Variants in ANKRD44 observed in about 807,000 individuals in gnomAD.
ANKRD44 encodes the protein serine/threonine-protein phosphatase 6 regulatory ankyrin repeat subunit B.
Under a neutral mutation model 116.0 loss-of-function variants are expected in ANKRD44, and 35 were observed. The ratio of observed to expected loss-of-function variants is 0.30; its 90% CI spans 0.23 to 0.40. ANKRD44 has a LOEUF of 0.40. Ranked by LOEUF, ANKRD44 falls within the 10% of genes least tolerant of loss-of-function variation. ANKRD44 has a pLI of 1.00. For missense variants in ANKRD44, 1,014 were observed against 1,242.6 expected, an observed-to-expected ratio of 0.82 and a Z score of 2.77; for synonymous variants, 435 against 461.8, an observed-to-expected ratio of 0.94 and a Z score of 0.74.
intron 1 of ANKRD44, among the ~76,000 whole-genome samples, chr2:197,214,705 T>C (rs1326764730): frequency 3.9e-5 from 6 of 152,194 alleles, no homozygotes; most frequent in Non-Finnish European, 8.8e-5. Context: ...TGAAATTGCA[T>C]TTTAAATGGA....
chr2:196,992,984 A>G (rs887405619), intron 27 of ANKRD44, among the ~76,000 whole-genome samples: 1 of 152,206 alleles, frequency 6.6e-6, no homozygotes, highest in Non-Finnish European at 1.5e-5. Context: ...CATTCCTTTC[A>G]AAATTTCTTA....
chr2:196,967,317 C>G (rs538324318), exon 22 of ANKRD44: 3 of 381,166 alleles, frequency 7.9e-6, no homozygotes, highest in Admixed American at 3.0e-5. Context: ...CTTCCCCAAC[C>G]GCAGCTCCTG....
At chr2:197,038,157 G>A (rs774602571) in intron 16 of ANKRD44, among the ~76,000 whole-genome samples, 4 of 151,978 alleles carry the variant, frequency 2.6e-5, no homozygotes, top group Non-Finnish European at 4.4e-5. Flanking sequence ...TGGGACTTTG[G>A]GTGATTTTGA....
At chr2:197,121,077 C>T (rs1416496529) in intron 8 of ANKRD44, among the ~76,000 whole-genome samples, 5 of 151,930 alleles carry the variant, frequency 3.3e-5, no homozygotes, top group African/African-American at 1.2e-4. Context: ...TGCAGGCACC[C>T]GCCACCACGC....
intron 1 of ANKRD44, 78 bp downstream of exon 1, chr2:197,310,499 GC>G (rs1398413074): frequency 1.1e-6 from 1 of 951,792 alleles, no homozygotes; most frequent in Non-Finnish European, 1.2e-6. Flanking sequence ...GCGCGCTCCA[GC>G]CGCGCCCCCA....
intron 8 of ANKRD44, among the ~76,000 whole-genome samples, chr2:197,114,741 T>A (rs531630206): frequency 1.3e-5 from 2 of 152,196 alleles, no homozygotes; most frequent in Non-Finnish European, 2.9e-5. Context: ...AAAAGCTCTA[T>A]GGGATAACAT....
intron 2 of ANKRD44, among the ~76,000 whole-genome samples, chr2:197,156,886 A>C (rs1448698955): frequency 6.6e-6 from 1 of 152,256 alleles, no homozygotes; most frequent in Non-Finnish European, 1.5e-5. Context: ...AAATTCTAGA[A>C]AATGCAAACT....
intron 2 of ANKRD44, among the ~76,000 whole-genome samples, chr2:197,156,312 C>T (rs1439697272): frequency 6.6e-6 from 1 of 151,646 alleles, no homozygotes; most frequent in Non-Finnish European, 1.5e-5. Context: ...CACCACTGCA[C>T]TCCATCCTGG....
At chr2:197,252,556 G>A (rs1026109610) in intron 1 of ANKRD44, among the ~76,000 whole-genome samples, 19 of 152,170 alleles carry the variant, frequency 1.2e-4, no homozygotes, top group African/African-American at 4.1e-4. Context: ...ACAGGCGCCC[G>A]CCACCACGCC....
intron 2 of ANKRD44, 126 bp downstream of exon 2, chr2:197,186,897 C>G (rs1373243408): frequency 4.3e-6 from 3 of 705,162 alleles, no homozygotes; most frequent in Admixed American, 4.5e-5. Flanking sequence ...GGTTTAAGAA[C>G]AGTGTCCTGA....
Position 197,157,382 on chromosome 2 carries a change from T to C in ANKRD44, c.112-10277A>G, listed in dbSNP as rs571396527. Among the ~76,000 whole-genome samples, 32 of 152,224 alleles carry C rather than the reference T, an allele frequency of 2.1e-4. 3 individuals are homozygous for C. In the South Asian group the frequency reaches 4.8e-3, roughly 23 times the overall value. ...GCTTAAAATCTACAGGCTTTAAAAA[T>C]AGGCACAACCAGCCAGGCGCAGTGG... On this transcript the variant is annotated intron_variant, in intron 2 of 27. Coordinates refer to ENST00000282272, the MANE Select transcript of ANKRD44 (RefSeq NM_001195144.2).
chr2:197,099,775 A>C, intron 10 of ANKRD44, 41 bp downstream of exon 10: 1 of 1,611,778 alleles, frequency 6.2e-7, no homozygotes, highest in Non-Finnish European at 8.5e-7. Flanking sequence ...CAGTATTCCC[A>C]CTTGAGGCAA....
At chr2:197,173,865 T>C (rs531765123) in intron 2 of ANKRD44, among the ~76,000 whole-genome samples, 1 of 152,240 alleles carries the variant, frequency 6.6e-6, no homozygotes, top group Admixed American at 6.5e-5. Context: ...AAACCCCATC[T>C]CTACTAACAA....
chr2:197,113,958 T>C (rs2078650213), intron 8 of ANKRD44, among the ~76,000 whole-genome samples: 1 of 152,182 alleles, frequency 6.6e-6, no homozygotes, highest in East Asian at 1.9e-4. Flanking sequence ...GGCAGCCATT[T>C]TGGGACAACT....
intron 1 of ANKRD44, among the ~76,000 whole-genome samples, chr2:197,272,615 G>T (rs2082932861): frequency 6.6e-6 from 1 of 152,200 alleles, no homozygotes; most frequent in African/African-American, 2.4e-5. Context: ...GGTAAGCCAA[G>T]ACTAAAAAGT....
chr2:197,188,917 T>C (rs922058125), intron 1 of ANKRD44, among the ~76,000 whole-genome samples: 1 of 152,190 alleles, frequency 6.6e-6, no homozygotes, highest in African/African-American at 2.4e-5. Context: ...GGTGGGGACC[T>C]GCAAATCTAG....
At chr2:197,184,694 C>A (rs2080609952) in intron 2 of ANKRD44, among the ~76,000 whole-genome samples, 1 of 151,086 alleles carries the variant, frequency 6.6e-6, no homozygotes, top group African/African-American at 2.4e-5. Context: ...TGCTCTTTTT[C>A]CCTTTGGGGT....
intron 2 of ANKRD44, among the ~76,000 whole-genome samples, chr2:197,148,539 G>T (rs2079563002): frequency 6.6e-6 from 1 of 152,044 alleles, no homozygotes; most frequent in African/African-American, 2.4e-5. Context: ...CCCTTGATTA[G>T]CCCAAGGATA....
At chr2:197,051,405 T>A (rs949981231) in intron 16 of ANKRD44, among the ~76,000 whole-genome samples, 2 of 152,144 alleles carry the variant, frequency 1.3e-5, no homozygotes, top group African/African-American at 4.8e-5. Context: ...CTCATTCATT[T>A]ATTTTAGAGA....
Sources: gnomAD v4.1 joint callset for allele counts (sites outside exome capture counted in the v4.1 genomes callset) on GRCh38, gnomAD v4.1.1 for gene constraint, MANE v1.5 for transcripts, NCBI Gene and HGNC (gene_info 2026-07-23, HGNC 2026-07-21) for gene names.